The following ANKRD50 variants were observed in gnomAD, a reference collection of about 807,000 sequenced individuals.
ANKRD50 encodes ankyrin repeat domain-containing protein 50.
Under a neutral mutation model 112.0 loss-of-function variants are expected in ANKRD50, and 40 were observed. That is an observed-to-expected ratio of 0.36 (90% CI 0.28 to 0.46). The LOEUF (loss-of-function observed/expected upper bound fraction) is 0.46, where lower values mean the gene tolerates loss of function less well. ANKRD50 is among the 20% of genes least tolerant of loss of function. The probability of loss-of-function intolerance (pLI) is 1.00; values close to 1 mark genes in which losing one functional copy is unlikely to be tolerated. For missense variants in ANKRD50, 1,487 were observed against 1,701.7 expected, an observed-to-expected ratio of 0.87 and a Z score of 2.22; for synonymous variants, 613 against 619.1, an observed-to-expected ratio of 0.99 and a Z score of 0.15.
At chr4:124,700,348 A>G (rs1381394119) in intron 2 of ANKRD50, among the ~76,000 whole-genome samples, 1 of 152,246 alleles carries the variant, frequency 6.6e-6, no homozygotes, top group Non-Finnish European at 1.5e-5. Context: ...GTAAGAAGCC[A>G]CTGGAAGGTT....
intron 2 of ANKRD50, among the ~76,000 whole-genome samples, chr4:124,708,607 T>C (rs537844471): frequency 6.6e-6 from 1 of 151,994 alleles, no homozygotes; most frequent in African/African-American, 2.4e-5. Context: ...ACAACTCCTG[T>C]TCTCCAGCTT....
chr4:124,698,551 A>C (rs1318799507), intron 2 of ANKRD50, among the ~76,000 whole-genome samples: 1 of 152,040 alleles, frequency 6.6e-6, no homozygotes, highest in Non-Finnish European at 1.5e-5. Context: ...ATGGATAGTT[A>C]GTGTTTCTCA....
intron 2 of ANKRD50, among the ~76,000 whole-genome samples, chr4:124,692,723 G>A (rs1451415092): frequency 3.3e-5 from 5 of 152,142 alleles, no homozygotes; most frequent in Non-Finnish European, 7.4e-5. Context: ...TATGAACAAA[G>A]AAACAGGACC....
intron 2 of ANKRD50, among the ~76,000 whole-genome samples, chr4:124,700,593 T>C (rs1725367389): frequency 6.7e-6 from 1 of 148,868 alleles, no homozygotes; most frequent in Non-Finnish European, 1.5e-5. Context: ...CAATGGTGAC[T>C]CCTACATTTC....
chr4:124,676,493 TAC>T (rs1016662365), intron 3 of ANKRD50, among the ~76,000 whole-genome samples: 1 of 151,526 alleles, frequency 6.6e-6, no homozygotes, highest in African/African-American at 2.4e-5. Context: ...AGAGTAATAG[TAC>T]ACAGACATAT....
At position 124,671,991 on chromosome 4, in the gene ANKRD50, G is replaced by T; in HGVS notation, c.1286C>A (p.Ala429Glu). 1 of 1,613,904 alleles carries T rather than the reference G, an allele frequency of 6.2e-7. No individual in the cohort carries two copies. Among genetic ancestry groups the T allele is most frequent in the East Asian group, 2.2e-5 (1 of 44,860 alleles). ...AGCCAACATTCTGTGTCCTTCTGCT[G>T]CATTACATAAATACTTCTGAGTACA... Reference protein sequence around the residue: ...KHCTQKYLCNAAEGHRMLAMS... With the variant: ...KHCTQKYLCNEAEGHRMLAMS... The change falls in exon 4 of 5, where the codon GCA becomes GAA. Residue 429 changes from alanine to glutamate, a missense_variant. By Grantham distance (107) the Ala-to-Glu change is moderately radical (BLOSUM62 -1). Coordinates refer to ENST00000504087, the MANE Select transcript of ANKRD50 (RefSeq NM_020337.3).
At chr4:124,706,219 G>T (rs565032786) in intron 2 of ANKRD50, among the ~76,000 whole-genome samples, 1 of 151,954 alleles carries the variant, frequency 6.6e-6, no homozygotes, top group African/African-American at 2.4e-5. Flanking sequence ...CACACAGAAG[G>T]TTCTTAATAA....
chr4:124,676,413 T>A (rs1287431464), intron 3 of ANKRD50, among the ~76,000 whole-genome samples: 1 of 151,750 alleles, frequency 6.6e-6, no homozygotes, highest in East Asian at 1.9e-4. Flanking sequence ...TTACAAAAAT[T>A]AAGCCAACAT....
intron 2 of ANKRD50, among the ~76,000 whole-genome samples, chr4:124,679,722 T>C (rs894507435): frequency 2.2e-4 from 33 of 152,178 alleles, no homozygotes; most frequent in Admixed American, 5.9e-4. Flanking sequence ...GTTTTCTTAG[T>C]CTTTCAATAT....
Position 124,669,416 on chromosome 4 carries a change from T to C in ANKRD50, c.3861A>G (p.Lys1287=). 2.5e-6 allele frequency: 4 copies of C among 1,613,152 alleles called. No individual in the cohort carries two copies. Among genetic ancestry groups the C allele is most frequent in the Non-Finnish European group, 3.4e-6 (4 of 1,179,714 alleles). Residue 1287 remains lysine, a synonymous_variant, in exon 4 of 5, where the codon AAA becomes AAG. Coordinates refer to ENST00000504087, the MANE Select transcript of ANKRD50 (RefSeq NM_020337.3). The part of the protein sequence containing the change: ...AKSGSAGKKA[K]QSNSSQPKVL... The stretch of plus-strand genomic sequence containing the variant: ...CCTTTGGCTGTGAAGAATTACTTTG[T>C]TTCGCTTTTTTCCCAGCTGATCCAG...
At chr4:124,697,066 A>T (rs1345823804) in intron 2 of ANKRD50, among the ~76,000 whole-genome samples, 1 of 152,226 alleles carries the variant, frequency 6.6e-6, no homozygotes. Context: ...GCTATTTATT[A>T]AAAAAGAGAA....
chr4:124,695,227 G>A (rs537511642), intron 2 of ANKRD50, among the ~76,000 whole-genome samples: 1 of 152,224 alleles, frequency 6.6e-6, no homozygotes, highest in Non-Finnish European at 1.5e-5. Context: ...GCTTGTTGAA[G>A]CAAGAAGATA....
At chr4:124,711,614 A>G (rs1725634995) in intron 1 of ANKRD50, among the ~76,000 whole-genome samples, 1 of 152,166 alleles carries the variant, frequency 6.6e-6, no homozygotes. Flanking sequence ...GTAGACTGGT[A>G]GAACAGCGCC....
chr4:124,706,095 G>C (rs948251768), intron 2 of ANKRD50, among the ~76,000 whole-genome samples: 4 of 151,882 alleles, frequency 2.6e-5, no homozygotes, highest in Admixed American at 6.6e-5. Context: ...TTACTCTGAT[G>C]GTTATTTCTC....
Position 124,670,469 on chromosome 4 carries a change from A to C in ANKRD50, c.2808T>G (p.Gly936=), listed in dbSNP as rs773592544. 6.2e-7 allele frequency: 1 copy of C among 1,613,894 alleles called. No individual in the cohort carries two copies. Among genetic ancestry groups the C allele is most frequent in the South Asian group, 1.1e-5 (1 of 91,074 alleles). The change falls in exon 4 of 5, where the codon GGT becomes GGG. Residue 936 remains glycine (G), a synonymous_variant. Coordinates refer to ENST00000504087, the MANE Select transcript of ANKRD50 (RefSeq NM_020337.3). ...CAGCATCTTTGCAGTTAACATCAGC[A>C]CCATGGCTAAAAAGCAATTCAACAA... The part of the protein sequence containing the change: ...RDIVELLFSH[G]ADVNCKDADG...
intron 2 of ANKRD50, among the ~76,000 whole-genome samples, chr4:124,705,951 G>A (rs914057145): frequency 3.9e-5 from 6 of 152,010 alleles, no homozygotes; most frequent in Non-Finnish European, 5.9e-5. Context: ...CAATAGCATT[G>A]TACTTTAACC....
Position 124,671,701 on chromosome 4 carries a change from C to T in ANKRD50, c.1576G>A (p.Asp526Asn). Residue 526 changes from aspartate (D) to asparagine (N), a missense_variant, in exon 4 of 5, where the codon GAT becomes AAT. Transcript: ENST00000504087. ...CIVRQALEREDSIRTLLDNGA... is the reference protein window; with the variant it reads ...CIVRQALERENSIRTLLDNGA... The stretch of plus-strand genomic sequence containing the variant: ...TTATCTAATAATGTCCGAATGGAAT[C>T]CTCTCTTTCTAAGGCTTGTCGAACT... The T allele has an allele frequency of 8.7e-6, 14 of 1,613,828 alleles. No individual in the cohort carries two copies. Among genetic ancestry groups the T allele is most frequent in the Non-Finnish European group, 1.2e-5 (14 of 1,179,840 alleles).
At position 124,669,157 on chromosome 4, in the gene ANKRD50, C is replaced by T. The variant is rs765398629; in HGVS notation, c.4120G>A (p.Val1374Ile). ...NPNYHLQSNQ[V>I]FLGRVSVPRT... Reference sequence around the variant, plus strand: ...GGGACTGAAACCCTACCAAGAAAAACCTGGTTGCTCTGAAGATGATAATTT... The same window carrying T: ...GGGACTGAAACCCTACCAAGAAAAATCTGGTTGCTCTGAAGATGATAATTT... The change falls in exon 4 of 5, where the codon GTT (valine) becomes ATT (isoleucine). Residue 1374 changes from valine (V) to isoleucine (I), a missense_variant. By Grantham distance (29) the Val-to-Ile change is conservative. Coordinates refer to ENST00000504087, the MANE Select transcript of ANKRD50 (RefSeq NM_020337.3). 1.2e-6 allele frequency: 2 copies of T among 1,613,632 alleles called. No individual in the cohort carries two copies. The highest frequency in any genetic ancestry group is 2.2e-5 in the South Asian group (2 of 91,024).
At chr4:124,709,947 ATTAAT>A (rs1376765971) in intron 2 of ANKRD50, 48 bp downstream of exon 2, 3 of 1,546,286 alleles carry the variant, frequency 1.9e-6, no homozygotes, top group Non-Finnish European at 2.6e-6. Flanking sequence ...ACAACTAAAA[ATTAAT>A]TTAATTTCAG....
Sources: gnomAD v4.1 joint callset for allele counts (sites outside exome capture counted in the v4.1 genomes callset) on GRCh38, gnomAD v4.1.1 for gene constraint, MANE v1.5 for transcripts, NCBI Gene and HGNC (gene_info 2026-07-23, HGNC 2026-07-21) for gene names.